P3H2: variants seen among roughly 807,000 people sequenced by gnomAD.
The protein encoded by P3H2 is leprecan-like 1.
Under a neutral mutation model 87.0 loss-of-function variants are expected in P3H2, and 80 were observed. That is an observed-to-expected ratio of 0.92 (90% confidence interval 0.77 to 1.11). The LOEUF (loss-of-function observed/expected upper bound fraction) is 1.11, where lower values mean the gene tolerates loss of function less well. P3H2 is among the 50% of genes least tolerant of loss of function. The pLI, the probability that P3H2 is intolerant of heterozygous loss-of-function variation, is 0.00. For missense variants in P3H2, 1,001 were observed against 923.9 expected (o/e 1.08, Z -1.08); for synonymous variants, 367 against 359.3 (o/e 1.02, Z -0.24).
chr3:189,974,002 T>G lies in P3H2; in HGVS notation c.1455A>C (p.Gly485=), dbSNP rs1451670086. The change falls in exon 10 of 15, where the codon GGA becomes GGC. Residue 485 remains glycine (G), a splice_region_variant and synonymous_variant. Transcript: ENST00000319332. ...QCRELHSVAS[G]IMLVGDGYRG... ...TGTATCCATCACCAACAAGCATGAT[T>G]CCCTGGAAGCAAATACAAGAAGATA... 1.9e-6 allele frequency: 3 copies of G among 1,612,058 alleles called. No individual in the cohort carries two copies. The East Asian group carries it at 6.7e-5, about 36-fold the overall frequency.
At chr3:190,076,106 C>A (rs529324719) in intron 1 of P3H2, among the ~76,000 whole-genome samples, 16 of 151,766 alleles carry the variant, frequency 1.1e-4, no homozygotes, top group African/African-American at 2.4e-4. Context: ...TTCTCCTGGG[C>A]TGAACCTTCA....
intron 1 of P3H2, among the ~76,000 whole-genome samples, chr3:190,071,215 T>C (rs1726686968): frequency 1.3e-5 from 2 of 152,192 alleles, no homozygotes; most frequent in African/African-American, 4.8e-5. Context: ...AAATATTTAC[T>C]AGGTAAATGT....
chr3:189,981,701 G>A (rs1448014371), intron 8 of P3H2, among the ~76,000 whole-genome samples: 1 of 152,062 alleles, frequency 6.6e-6, no homozygotes, highest in Non-Finnish European at 1.5e-5. Context: ...GGTAGCCAGG[G>A]GAAAAAAATG....
chr3:189,990,476 G>A (rs80288974), intron 3 of P3H2, among the ~76,000 whole-genome samples: 283 of 151,854 alleles, frequency 1.9e-3, no homozygotes, highest in Non-Finnish European at 3.0e-3. Context: ...GATACCCACC[G>A]AGAACTCAAA....
chr3:190,056,086 C>T (rs1254276904), intron 1 of P3H2, among the ~76,000 whole-genome samples: 2 of 152,134 alleles, frequency 1.3e-5, no homozygotes, highest in Non-Finnish European at 2.9e-5. Flanking sequence ...TAGGAAGAGA[C>T]ACCAGAAAGC....
intron 13 of P3H2, among the ~76,000 whole-genome samples, chr3:189,968,417 C>T (rs1723066681): frequency 6.6e-6 from 1 of 152,156 alleles, no homozygotes; most frequent in Non-Finnish European, 1.5e-5. Flanking sequence ...CTGAAAAGGA[C>T]ATGAACTCAT....
chr3:190,103,191 T>G (rs1577325280), intron 1 of P3H2, among the ~76,000 whole-genome samples: 1 of 152,216 alleles, frequency 6.6e-6, no homozygotes, highest in Non-Finnish European at 1.5e-5. Context: ...GCTAGTTTTC[T>G]AAATAACTGT....
intron 1 of P3H2, among the ~76,000 whole-genome samples, chr3:190,065,739 T>C (rs923564178): frequency 6.6e-6 from 1 of 152,162 alleles, no homozygotes. Context: ...TAAACCATTC[T>C]GGGCTACTGC....
intron 4 of P3H2, among the ~76,000 whole-genome samples, chr3:189,987,979 T>C (rs948662990): frequency 7.9e-5 from 12 of 152,198 alleles, no homozygotes; most frequent in African/African-American, 2.4e-4. Flanking sequence ...ATTCTATGAG[T>C]TAATTCTGAT....
chr3:190,028,897 G>A (rs886640698), intron 1 of P3H2, among the ~76,000 whole-genome samples: 1 of 152,170 alleles, frequency 6.6e-6, no homozygotes, highest in South Asian at 2.1e-4. Context: ...ACTGATATGA[G>A]AGAAGAAAAG....
chr3:190,045,937 T>G (rs149855258), intron 1 of P3H2, among the ~76,000 whole-genome samples: 1 of 151,956 alleles, frequency 6.6e-6, no homozygotes, highest in Non-Finnish European at 1.5e-5. Flanking sequence ...CTGGCTAACA[T>G]GGTGAAACCC....
At chr3:190,019,161 T>C (rs1724857435) in intron 1 of P3H2, among the ~76,000 whole-genome samples, 1 of 152,132 alleles carries the variant, frequency 6.6e-6, no homozygotes, top group African/African-American at 2.4e-5. Context: ...GAAGGGCTAG[T>C]TAGACAAACA....
intron 1 of P3H2, among the ~76,000 whole-genome samples, chr3:190,063,886 G>T (rs1726411878): frequency 2.0e-5 from 3 of 151,432 alleles, no homozygotes; most frequent in Admixed American, 1.3e-4. Context: ...GAGCCTCCTT[G>T]CTCTTTTCAC....
At chr3:189,959,074 A>G (rs968914784) in intron 14 of P3H2, among the ~76,000 whole-genome samples, 1 of 151,846 alleles carries the variant, frequency 6.6e-6, no homozygotes, top group Non-Finnish European at 1.5e-5. Flanking sequence ...TCGCTGTTTC[A>G]CTACTCACCC....
chr3:189,974,558 A>T lies in P3H2; in HGVS notation c.1452T>A (p.Ser484Arg), dbSNP rs34111865. 59 of 1,613,592 alleles carry T rather than the reference A, an allele frequency of 3.7e-5. No homozygotes were observed. In the African/African-American group the frequency reaches 6.3e-4, roughly 17 times the overall value. ...CTCCCCTCCTTCTCCGGATCCTCAC[A>T]CTGGCCACGCTGTGGAGCTCCCGGC... ...EQCRELHSVA[S>R]GIMLVGDGYR... is the part of the protein sequence containing the mutation. Residue 484 changes from serine to arginine, a missense_variant and splice_region_variant, in exon 9 of 15, where the codon AGT becomes AGA. Coordinates refer to ENST00000319332, the MANE Select transcript of P3H2 (RefSeq NM_018192.4).
chr3:189,983,326 T>A, intron 7 of P3H2, 186 bp from the exon 8 acceptor site: 3 of 589,386 alleles, frequency 5.1e-6, no homozygotes, highest in Non-Finnish European at 9.0e-6. Flanking sequence ...CTCGGTGAGT[T>A]TGCCTTATTT....
At chr3:189,995,480 A>G (rs775854147) in intron 1 of P3H2, 38 bp from the exon 2 acceptor site, 3 of 1,601,562 alleles carry the variant, frequency 1.9e-6, no homozygotes, top group Non-Finnish European at 2.6e-6. Context: ...GAAGGCAAAT[A>G]TTTCCAAATC....
chr3:190,054,846 C>T (rs982962454), intron 1 of P3H2, among the ~76,000 whole-genome samples: 3 of 152,288 alleles, frequency 2.0e-5, no homozygotes, highest in Non-Finnish European at 4.4e-5. Context: ...CTCTTCTTCA[C>T]ATTACAGAAT....
At chr3:190,004,241 A>G (rs181717411) in intron 1 of P3H2, among the ~76,000 whole-genome samples, 15 of 152,332 alleles carry the variant, frequency 9.8e-5, no homozygotes, top group African/African-American at 3.6e-4. Flanking sequence ...AATAAGAGAA[A>G]TAAAAATGGC....
Sources: gnomAD v4.1 joint callset for allele counts (sites outside exome capture counted in the v4.1 genomes callset) on GRCh38, gnomAD v4.1.1 for gene constraint, MANE v1.5 for transcripts, NCBI Gene and HGNC (gene_info 2026-07-23, HGNC 2026-07-21) for gene names.